Variants in CALD1 observed in about 807,000 individuals in gnomAD.
CALD1 encodes the protein caldesmon.
In CALD1, 33 loss-of-function variants were observed where a neutral mutation model predicts 99.9. That is an observed-to-expected ratio of 0.33 (90% CI 0.25 to 0.44). The LOEUF is 0.44. CALD1 is among the 20% of genes least tolerant of loss of function. CALD1 has a pLI of 1.00. For missense variants in CALD1, 861 were observed against 962.1 expected, an observed-to-expected ratio of 0.89 and a Z score of 1.39; for synonymous variants, 310 against 325.0, an observed-to-expected ratio of 0.95 and a Z score of 0.50.
At chr7:134,838,608 C>T (rs1799534278) in intron 1 of CALD1, among the ~76,000 whole-genome samples, 1 of 152,186 alleles carries the variant, frequency 6.6e-6, no homozygotes, top group Non-Finnish European at 1.5e-5. Flanking sequence ...AGCCAAAATA[C>T]ATATATGGAA....
At chr7:134,753,646 T>C (rs7800113) in intron 1 of CALD1, among the ~76,000 whole-genome samples, 68,813 of 152,052 alleles carry the variant, frequency 0.45, 16,587 homozygotes, top group East Asian at 0.85. Context: ...ACTATGACTT[T>C]GCAAGGCAGA....
chr7:134,776,853 T>C (rs956390432), upstream of CALD1, among the ~76,000 whole-genome samples: 2 of 152,200 alleles, frequency 1.3e-5, no homozygotes, highest in African/African-American at 4.8e-5. Context: ...CAAAATATAA[T>C]TTCTTGCTAC....
At chr7:134,760,666 A>G (rs1246508493) in intron 1 of CALD1, among the ~76,000 whole-genome samples, 1 of 152,264 alleles carries the variant, frequency 6.6e-6, no homozygotes, top group African/African-American at 2.4e-5. Context: ...TAAATTAAAG[A>G]TGTATGCATA....
intron 3 of CALD1, among the ~76,000 whole-genome samples, chr7:134,883,835 C>T (rs992272524): frequency 1.3e-4 from 20 of 152,172 alleles, no homozygotes; most frequent in Non-Finnish European, 2.2e-4. Context: ...AAGCTGGCCG[C>T]GGTGGCTCAC....
chr7:134,834,865 G>C (rs890971515), intron 1 of CALD1, among the ~76,000 whole-genome samples: 1 of 152,222 alleles, frequency 6.6e-6, no homozygotes, highest in Non-Finnish European at 1.5e-5. Flanking sequence ...AGACTGATCA[G>C]AGGAATTCCA....
chr7:134,962,498 G>A (rs1808355380), intron 13 of CALD1: 1 of 204,804 alleles, frequency 4.9e-6, no homozygotes, highest in South Asian at 8.8e-5. Flanking sequence ...GAACATGGCA[G>A]TTAGTATAGA....
At chr7:134,779,162 GC>G (rs1430993258), upstream of CALD1, among the ~76,000 whole-genome samples, 1 of 152,144 alleles carries the variant, frequency 6.6e-6, no homozygotes, top group East Asian at 1.9e-4. Context: ...CTGGTAAGAA[GC>G]CTTCCCCACC....
At chr7:134,726,514 A>ATT in the CALD1 span, among the ~76,000 whole-genome samples, 2 of 137,458 alleles carry the variant, frequency 1.5e-5, no homozygotes, top group African/African-American at 6.0e-5. Context: ...TATAATATAC[A>ATT]ATATATTATA....
At chr7:134,831,304 A>G (rs1799209752) in intron 1 of CALD1, among the ~76,000 whole-genome samples, 1 of 152,050 alleles carries the variant, frequency 6.6e-6, no homozygotes, top group African/African-American at 2.4e-5. Context: ...GAGACTTTAG[A>G]ATTATTTTCT....
At chr7:134,730,067 G>C in the CALD1 span, among the ~76,000 whole-genome samples, 1 of 152,106 alleles carries the variant, frequency 6.6e-6, no homozygotes, top group Non-Finnish European at 1.5e-5. Context: ...CTGCTGCCTG[G>C]GGAATGTCTT....
chr7:134,738,219 G>A, the CALD1 span, among the ~76,000 whole-genome samples: 6 of 152,048 alleles, frequency 3.9e-5, no homozygotes, highest in East Asian at 9.6e-4. Flanking sequence ...CCAATTCTGC[G>A]GGAAATGGAG....
At chr7:134,830,507 C>G (rs186246505) in intron 1 of CALD1, among the ~76,000 whole-genome samples, 1 of 151,952 alleles carries the variant, frequency 6.6e-6, no homozygotes, top group Non-Finnish European at 1.5e-5. Flanking sequence ...ATTTCATCAC[C>G]CAGGTATTAA....
chr7:134,726,449 ATAATAT>A, the CALD1 span, among the ~76,000 whole-genome samples: 1 of 143,580 alleles, frequency 7.0e-6, no homozygotes, highest in Admixed American at 7.1e-5. Context: ...CTTTATATAT[ATAATAT>A]ATATTATATA....
chr7:134,878,200 T>TTCTC (rs1293113575), intron 3 of CALD1, among the ~76,000 whole-genome samples: 1 of 152,140 alleles, frequency 6.6e-6, no homozygotes, highest in Admixed American at 6.6e-5. Flanking sequence ...ATTCCAAAGA[T>TTCTC]TCTCTCCAGA....
chr7:134,795,101 T>C (rs1290563634), intron 1 of CALD1, among the ~76,000 whole-genome samples: 1 of 152,224 alleles, frequency 6.6e-6, no homozygotes, highest in Non-Finnish European at 1.5e-5. Context: ...TATTTATTTA[T>C]TTACTTATTT....
chr7:134,878,552 G>A (rs1184218205), intron 3 of CALD1, among the ~76,000 whole-genome samples: 1 of 152,136 alleles, frequency 6.6e-6, no homozygotes, highest in Non-Finnish European at 1.5e-5. Context: ...CTGGGTGATA[G>A]AGCGAGACCC....
At chr7:134,854,952 T>A (rs1263163480) in intron 2 of CALD1, among the ~76,000 whole-genome samples, 1 of 152,132 alleles carries the variant, frequency 6.6e-6, no homozygotes, top group African/African-American at 2.4e-5. Flanking sequence ...TCTCACAAGT[T>A]ATGGCTGTTT....
At chr7:134,842,138 T>G (rs577866329) in intron 1 of CALD1, among the ~76,000 whole-genome samples, 1 of 152,334 alleles carries the variant, frequency 6.6e-6, no homozygotes, top group South Asian at 2.1e-4. Context: ...TACATCACCT[T>G]GTGCTGTGTC....
intron 1 of CALD1, among the ~76,000 whole-genome samples, chr7:134,837,286 G>C (rs956805819): frequency 2.6e-5 from 4 of 151,772 alleles, no homozygotes; most frequent in African/African-American, 9.7e-5. Flanking sequence ...TTCAATACTA[G>C]GTACTTTATA....
Sources: allele counts gnomAD v4.1 joint callset (sites outside exome capture counted in the v4.1 genomes callset), GRCh38; gene constraint gnomAD v4.1.1; transcripts MANE v1.5; gene names NCBI Gene and HGNC (gene_info 2026-07-23, HGNC 2026-07-21).